CNNM3: variants seen among roughly 807,000 people sequenced by gnomAD.
The protein encoded by CNNM3 is cyclin and CBS domain divalent metal cation transport mediator 3.
CNNM3 carries 47 observed loss-of-function variants against 57.1 expected under a neutral mutation model. That is an observed-to-expected ratio of 0.82 (90% CI 0.65 to 1.05). CNNM3 has a LOEUF of 1.05. CNNM3 is among the 50% of genes least tolerant of loss of function. The probability of loss-of-function intolerance (pLI) is 0.00; values close to 1 mark genes in which losing one functional copy is unlikely to be tolerated. For missense variants in CNNM3, 957 were observed against 973.7 expected (o/e 0.98, Z 0.23); for synonymous variants, 507 against 478.2 (o/e 1.06, Z -0.79).
rs2079331996 is a variant in CNNM3, at chr2:96,817,041, C to T, written c.764C>T (p.Ala255Val). The T allele has an allele frequency of 7.3e-7, 1 of 1,368,736 alleles. No homozygotes were observed. The highest frequency in any genetic ancestry group is 1.5e-5 in the African/African-American group (1 of 65,154). 84.8% of individuals were successfully genotyped at this position (1,368,736 alleles called of 1,614,324 possible). Residue 255 changes from alanine to valine, a missense_variant, in exon 1 of 8, where the codon GCG (alanine) becomes GTG (valine). Coordinates refer to ENST00000305510, the MANE Select transcript of CNNM3 (RefSeq NM_017623.5). ...TGGACGCTGGCGCTGGCGCCGCGAG[C>T]GCTCGGCCTCAGCCGCCTGGCCGTC... is the stretch of plus-strand genomic sequence containing the variant. The part of the protein sequence containing the change: ...GRWTLALAPR[A>V]LGLSRLAVLL...
downstream of CNNM3, among the ~76,000 whole-genome samples, chr2:96,835,748 T>C (rs946461522): frequency 6.6e-6 from 1 of 152,204 alleles, no homozygotes; most frequent in Non-Finnish European, 1.5e-5. Context: ...ATTACAGGCG[T>C]GAGCCACCGC....
Position 96,816,620 on chromosome 2 carries a change from G to T in CNNM3, c.343G>T (p.Ala115Ser). ...LRAEAVRPHS[A>S]LLAVRVEPGG... ...GGCCGAGGCCGTGCGCCCGCACTCG[G>T]CGCTGCTGGCGGTGCGCGTGGAGCC... The change falls in exon 1 of 8, where the codon GCG becomes TCG. Residue 115 changes from alanine (A) to serine (S), a missense_variant. By Grantham distance (99) the Ala-to-Ser change is moderately conservative (BLOSUM62 1). Transcript: ENST00000305510. 8.6e-7 allele frequency: 1 copy of T among 1,164,564 alleles called. No homozygotes were observed. Among genetic ancestry groups the T allele is most frequent in the Non-Finnish European group, 1.1e-6 (1 of 945,338 alleles). The allele number at this position is 1,164,564 out of a possible 1,614,324, so 72.1% of individuals were successfully genotyped here.
chr2:96,828,910 C>T, intron 6 of CNNM3, 86 bp from the exon 7 acceptor site: 1 of 1,573,142 alleles, frequency 6.4e-7, no homozygotes, highest in Non-Finnish European at 8.7e-7. Context: ...GTGCCTCTGT[C>T]CTCTTCGGGC....
At chr2:96,817,918 ATTG>A (rs2079349431) in intron 1 of CNNM3, among the ~76,000 whole-genome samples, 2 of 152,186 alleles carry the variant, frequency 1.3e-5, no homozygotes, top group Admixed American at 6.5e-5. Context: ...TATCTGGGAT[ATTG>A]TTGTGTGCAC....
Position 96,817,035 on chromosome 2 carries a change from C to T in CNNM3, c.758C>T (p.Pro253Leu), listed in dbSNP as rs1180242273. The change falls in exon 1 of 8, where the codon CCG becomes CTG. Residue 253 changes from proline to leucine, a missense_variant. Pro to Leu is a moderately conservative substitution (Grantham distance 98, BLOSUM62 -3). Transcript: ENST00000305510. ...GGGCGCTGGACGCTGGCGCTGGCGC[C>T]GCGAGCGCTCGGCCTCAGCCGCCTG... ...VSGRWTLALA[P>L]RALGLSRLAV... 3 of 1,367,520 alleles carry T rather than the reference C, an allele frequency of 2.2e-6. No individual in the cohort carries two copies. Among genetic ancestry groups the T allele is most frequent in the Non-Finnish European group, 2.8e-6 (3 of 1,057,454 alleles). The allele number at this position is 1,367,520 out of a possible 1,614,324, so 84.7% of individuals were successfully genotyped here. A position where few individuals can be genotyped will look rare whatever the true frequency, so the allele number is the denominator to read the frequency against.
chr2:96,827,579 C>A, intron 3 of CNNM3, 152 bp from the exon 4 acceptor site: 1 of 677,740 alleles, frequency 1.5e-6, no homozygotes, highest in Non-Finnish European at 2.5e-6. Flanking sequence ...CTGCCTAGTT[C>A]TCTTGTGTTG....
In CNNM3 at chr2:96,817,503, G is replaced by T. The variant is rs2079342385; in HGVS notation, c.1225+1G>T. 5.6e-6 allele frequency: 9 copies of T among 1,607,866 alleles called. No homozygotes were observed. The highest frequency in any genetic ancestry group is 1.3e-5 in the African/African-American group (1 of 74,844). ...GCTGTCCTGGAGGAATTCAAGCGAG[G>T]TAACGGCCCGGGCATGGTGCAGGGG... On this transcript the variant is annotated splice_donor_variant, in intron 1 of 7. Transcript: ENST00000305510. LOFTEE classifies it high-confidence loss of function.
chr2:96,836,741 C>T (rs2079695733), downstream of CNNM3: 1 of 152,160 alleles, frequency 6.6e-6, no homozygotes, highest in African/African-American at 2.4e-5. Context: ...TGATAAAGTC[C>T]ACTTTACTGA....
rs921809362 is a variant in CNNM3, at chr2:96,827,764, A to G, written c.1553A>G (p.Glu518Gly). ...GTATTCAGCCCGCTGCGCATCTCTG[A>G]GAAGGTCCTGCTGCACCTGTTGAAG... ...VDVFSPLRIS[E>G]KVLLHLLKHP... Residue 518 changes from glutamate (E) to glycine (G), a missense_variant, in exon 4 of 8, where the codon GAG becomes GGG. Around this residue, in one of 2 missense-constraint regions of CNNM3, gnomAD observed 491 missense variants for 570.6 expected, o/e 0.86. Coordinates refer to ENST00000305510, the MANE Select transcript of CNNM3 (RefSeq NM_017623.5). 22 of 1,614,006 alleles carry G rather than the reference A, an allele frequency of 1.4e-5. No homozygotes were observed. The Admixed American group carries it at 2.3e-4, about 17-fold the overall frequency.
intron 7 of CNNM3, chr2:96,831,840 G>A (rs554057425): frequency 4.8e-5 from 15 of 312,520 alleles, no homozygotes; most frequent in Admixed American, 3.2e-4. Flanking sequence ...CAGCACTGCA[G>A]CTGCCAGCTC....
chr2:96,816,931 C>T lies in CNNM3; in HGVS notation c.654C>T (p.Gly218=). 2.5e-6 allele frequency: 3 copies of T among 1,216,998 alleles called. No homozygotes were observed. The highest frequency in any genetic ancestry group is 2.4e-5 in the South Asian group (1 of 41,784). The allele number at this position is 1,216,998 out of a possible 1,614,324, so 75.4% of individuals were successfully genotyped here. ...ALAVLLYRAA[G]QRAVPAVLGS... is the part of the protein sequence containing the mutation. Reference sequence around the variant, plus strand: ...CGGTGCTGCTGTACCGCGCGGCCGGCCAGCGTGCGGTGCCCGCCGTGTTGG... The same window carrying T: ...CGGTGCTGCTGTACCGCGCGGCCGGTCAGCGTGCGGTGCCCGCCGTGTTGG... The change falls in exon 1 of 8, where the codon GGC becomes GGT. Residue 218 remains glycine, a synonymous_variant. Transcript: ENST00000305510.
intron 7 of CNNM3, among the ~76,000 whole-genome samples, chr2:96,829,977 G>A (rs1404801491): frequency 6.6e-6 from 1 of 152,164 alleles, no homozygotes; most frequent in East Asian, 1.9e-4. Context: ...CTGCGAGCAG[G>A]AAGATTGTGT....
rs2079624412 is a variant in CNNM3, at chr2:96,832,692, G to T, written c.*76G>T. ...CTGGAGTGAGCTGAGCAGAAGTTTT[G>T]TGCCCGCCTGCCCCCATCCCCTCCA... On this transcript the variant is annotated 3_prime_UTR_variant, in exon 8 of 8. Transcript: ENST00000305510. The T allele has an allele frequency of 1.3e-6, 2 of 1,597,170 alleles. No homozygotes were observed. The highest frequency in any genetic ancestry group is 2.2e-5 in the South Asian group (2 of 90,710).
In CNNM3 at chr2:96,817,412, C is replaced by T. The variant is rs2079340801; in HGVS notation, c.1135C>T (p.Leu379Phe). ...AFVDPEDCTP[L>F]STITRFYNHP... ...CGTGGATCCCGAAGACTGCACGCCGCTCAGCACCATCACTCGTTTCTACAA... is the reference window on the plus strand; with the variant it reads ...CGTGGATCCCGAAGACTGCACGCCGTTCAGCACCATCACTCGTTTCTACAA... The change falls in exon 1 of 8, where the codon CTC (leucine) becomes TTC (phenylalanine). Residue 379 changes from leucine (L) to phenylalanine (F), a missense_variant. By Grantham distance (22) the Leu-to-Phe change is conservative. Around this residue, in one of 2 missense-constraint regions of CNNM3, gnomAD observed 491 missense variants for 570.6 expected, o/e 0.86. Coordinates refer to ENST00000305510, the MANE Select transcript of CNNM3 (RefSeq NM_017623.5). 4 of 1,614,164 alleles carry T rather than the reference C, an allele frequency of 2.5e-6. No homozygotes were observed. Among genetic ancestry groups the T allele is most frequent in the Non-Finnish European group, 3.4e-6 (4 of 1,180,034 alleles).
In CNNM3 at chr2:96,817,094, G is replaced by A. The variant is rs2079333132; in HGVS notation, c.817G>A (p.Val273Met). The change falls in exon 1 of 8, where the codon GTG (valine) becomes ATG (methionine). Residue 273 changes from valine (V) to methionine (M), a missense_variant. Physicochemically the swap from Val to Met is conservative, Grantham distance 21. Coordinates refer to ENST00000305510, the MANE Select transcript of CNNM3 (RefSeq NM_017623.5). ...GCTCACTCTGCCCGTCGCGCTGCCCGTGGGGCAGCTGCTGGAGCTGGCGGC... is the reference window on the plus strand; with the variant it reads ...GCTCACTCTGCCCGTCGCGCTGCCCATGGGGCAGCTGCTGGAGCTGGCGGC... ...VLLTLPVALPVGQLLELAARP... is the reference protein window; with the variant it reads ...VLLTLPVALPMGQLLELAARP... 5.2e-6 allele frequency: 7 copies of A among 1,341,632 alleles called. No individual in the cohort carries two copies. The highest frequency in any genetic ancestry group is 1.5e-5 in the African/African-American group (1 of 64,648). The allele number at this position is 1,341,632 out of a possible 1,614,324, so 83.1% of individuals were successfully genotyped here.
Position 96,832,988 on chromosome 2 carries a change from T to TA in CNNM3, c.*373dup. On this transcript the variant is annotated 3_prime_UTR_variant, in exon 8 of 8. Coordinates refer to ENST00000305510, the MANE Select transcript of CNNM3 (RefSeq NM_017623.5). ...GGCTGAGCCACCTTGTGAGTGCAGT[T>TA]ACTGCCTTTGTGTGGCCGTGACCTC... 1 of 1,340,600 alleles carries TA rather than the reference T, an allele frequency of 7.5e-7. No homozygotes were observed. Among genetic ancestry groups the TA allele is most frequent in the Non-Finnish European group, 9.8e-7 (1 of 1,022,104 alleles). The allele number at this position is 1,340,600 out of a possible 1,614,324, so 83.0% of individuals were successfully genotyped here.
chr2:96,823,818 C>T (rs1235770935), intron 1 of CNNM3, among the ~76,000 whole-genome samples: 4 of 152,196 alleles, frequency 2.6e-5, no homozygotes, highest in South Asian at 2.1e-4. Context: ...TTGCTCCCAT[C>T]CCCCTGTCCT....
intron 1 of CNNM3, among the ~76,000 whole-genome samples, chr2:96,817,758 C>A (rs552584641): frequency 6.6e-6 from 1 of 151,984 alleles, no homozygotes; most frequent in Admixed American, 6.6e-5. Context: ...TAGCCCCCCC[C>A]CCCCATTTGC....
At chr2:96,827,003 A>G in intron 3 of CNNM3, 21 bp downstream of exon 3, 2 of 1,611,248 alleles carry the variant, frequency 1.2e-6, no homozygotes, top group Non-Finnish European at 1.7e-6. Context: ...AGGGTGGTCC[A>G]TGCCCCCTGC....
Sources: allele counts gnomAD v4.1 joint callset (sites outside exome capture counted in the v4.1 genomes callset), GRCh38; gene constraint gnomAD v4.1.1; regional missense constraint gnomAD v4.1.1; transcripts MANE v1.5; gene names NCBI Gene and HGNC (gene_info 2026-07-23, HGNC 2026-07-21).